Variants in ADAMTS2 observed in about 807,000 individuals in gnomAD.
ADAMTS2 encodes ADAM metallopeptidase with thrombospondin type 1 motif 2.
Under a neutral mutation model 123.0 loss-of-function variants are expected in ADAMTS2, and 50 were observed. The observed-to-expected ratio is 0.41, with a 90% CI of 0.32 to 0.51. ADAMTS2 has a LOEUF of 0.51. Among genes scored for constraint, ADAMTS2 ranks in the 20% least tolerant of loss-of-function variants. ADAMTS2 has a pLI of 0.35. For missense variants in ADAMTS2, 1,494 were observed against 1,705.2 expected (o/e 0.88, Z 2.18); for synonymous variants, 678 against 695.4 (o/e 0.98, Z 0.39).
At chr5:179,313,271 C>T (rs1051342765) in intron 2 of ADAMTS2, among the ~76,000 whole-genome samples, 2 of 73,762 alleles carry the variant, frequency 2.7e-5, no homozygotes, top group Non-Finnish European at 5.6e-5. Context: ...GCAGAGGGGA[C>T]GCACACGCAT....
intron 3 of ADAMTS2, among the ~76,000 whole-genome samples, chr5:179,229,200 C>T (rs771293342): frequency 3.3e-5 from 5 of 152,182 alleles, no homozygotes; most frequent in Admixed American, 1.3e-4. Flanking sequence ...GGAGGGGACG[C>T]CAGAGAATCT....
At chr5:179,258,171 G>A (rs1178673649) in intron 3 of ADAMTS2, among the ~76,000 whole-genome samples, 5 of 152,264 alleles carry the variant, frequency 3.3e-5, no homozygotes, top group South Asian at 2.1e-4. Context: ...CTCTGCACAC[G>A]CTGGGGCTGG....
At chr5:179,206,755 C>T (rs569067556) in intron 4 of ADAMTS2, among the ~76,000 whole-genome samples, 25 of 152,350 alleles carry the variant, frequency 1.6e-4, no homozygotes, top group African/African-American at 5.5e-4. Context: ...GAAAGGTCTG[C>T]ACAGCCTCCA....
At position 179,162,547 on chromosome 5, in the gene ADAMTS2, A is replaced by G. The variant is rs1184638335; in HGVS notation, c.976-3668T>C. Among the ~76,000 whole-genome samples, 1 of 152,116 alleles carries G rather than the reference A, an allele frequency of 6.6e-6. No individual in the cohort carries two copies. The highest frequency in any genetic ancestry group is 1.9e-4 in the East Asian group (1 of 5,158). ...GCGGGCCCCAGCTGAGCTGTTGCAC[A>G]CCATACCGTATGGGCCCCTCCTGGG... On this transcript the variant is annotated intron_variant, in intron 5 of 21. Coordinates refer to ENST00000251582, the MANE Select transcript of ADAMTS2 (RefSeq NM_014244.5). This position sits in a 1 kb window ranked among gnomAD's most constrained non-coding sequence, Gnocchi z 5.1.
chr5:179,286,873 G>A lies in ADAMTS2; in HGVS notation c.535-13809C>T, dbSNP rs568969877. 3.3e-5 allele frequency among the ~76,000 whole-genome samples: 5 copies of A among 152,258 alleles called. No individual in the cohort carries two copies. The East Asian group carries it at 7.7e-4, about 24-fold the overall frequency. ...ATCTTTCCCCTGTCCTCACATGGCC[G>A]TCCCCCTGTGTGTACTTCTGTCCTA... On this transcript the variant is annotated intron_variant, in intron 2 of 21. Transcript: ENST00000251582.
At chr5:179,179,769 T>G (rs75413655) in intron 5 of ADAMTS2, among the ~76,000 whole-genome samples, 2,076 of 152,248 alleles carry the variant, frequency 0.014, 53 homozygotes, top group African/African-American at 0.045. Flanking sequence ...ATCTACTTAG[T>G]ATTCCTGGGA....
At chr5:179,178,057 C>A (rs1214301007) in intron 5 of ADAMTS2, among the ~76,000 whole-genome samples, 1 of 152,236 alleles carries the variant, frequency 6.6e-6, no homozygotes, top group Non-Finnish European at 1.5e-5. Flanking sequence ...TTTCTAGCCC[C>A]AGGACCAGGA....
At chr5:179,157,252 T>G (rs1028379460) in intron 6 of ADAMTS2, among the ~76,000 whole-genome samples, 1 of 152,120 alleles carries the variant, frequency 6.6e-6, no homozygotes, top group African/African-American at 2.4e-5. Context: ...ACCCAGCCAA[T>G]TTCACATTTT....
At chr5:179,329,102 C>CATGT (rs1561754038) in intron 2 of ADAMTS2, among the ~76,000 whole-genome samples, 1 of 151,966 alleles carries the variant, frequency 6.6e-6, no homozygotes, top group Non-Finnish European at 1.5e-5. Context: ...CCAAGGAGGG[C>CATGT]GGATCACGAG....
Position 179,181,031 on chromosome 5 carries a change from G to A in ADAMTS2, c.975+41C>T, listed in dbSNP as rs373906183. On this transcript the variant is annotated intron_variant, in intron 5 of 21. Transcript: ENST00000251582. This position sits in a 1 kb window ranked among gnomAD's most constrained non-coding sequence, Gnocchi z 4.1. Reference sequence around the variant, plus strand: ...GCCTCACTCCCAGGCCCCTCACTCCGAGGGGGTGGAGGCAGGCCCGGCTGG... The same window carrying A: ...GCCTCACTCCCAGGCCCCTCACTCCAAGGGGGTGGAGGCAGGCCCGGCTGG... The A allele has an allele frequency of 2.8e-5, 42 of 1,522,672 alleles. No homozygotes were observed. The highest frequency in any genetic ancestry group is 3.5e-5 in the Non-Finnish European group (38 of 1,097,882). The allele number at this position is 1,522,672 out of a possible 1,614,324, so 94.3% of individuals were successfully genotyped here.
In ADAMTS2 at chr5:179,345,200, G is replaced by A. The variant is rs758316365; in HGVS notation, c.129C>T (p.Ala43=). The A allele has an allele frequency of 8.1e-6, 9 of 1,108,974 alleles. No homozygotes were observed. In the South Asian group the frequency reaches 3.8e-4, roughly 47 times the overall value. The allele number at this position is 1,108,974 out of a possible 1,614,324, so 68.7% of individuals were successfully genotyped here. A position where few individuals can be genotyped will look rare whatever the true frequency, so the allele number is the denominator to read the frequency against. ...PPANARLAAA[A]DPPGGPLGHG... is the part of the protein sequence containing the mutation. ...CCGGGCCGCACCTACCTGGGGGGTCGGCGGCGGCGGCGAGCCTGGCGTTCG... is the reference window on the plus strand; with the variant it reads ...CCGGGCCGCACCTACCTGGGGGGTCAGCGGCGGCGGCGAGCCTGGCGTTCG... Residue 43 remains alanine, a synonymous_variant, in exon 1 of 22, where the codon GCC becomes GCT. Transcript: ENST00000251582. The surrounding 1 kb of genome is among the most constrained non-coding windows in gnomAD (Gnocchi z 7.5).
intron 2 of ADAMTS2, among the ~76,000 whole-genome samples, chr5:179,316,396 G>A (rs75880463): frequency 0.037 from 5,631 of 152,286 alleles, 150 homozygotes; most frequent in South Asian, 0.057. Flanking sequence ...AGAGCAGCAG[G>A]GCCCTCAGGA....
In ADAMTS2 at chr5:179,125,134, T is replaced by C. The variant is rs886060492; in HGVS notation, c.2797A>G (p.Thr933Ala). ...CGCACGGAGCGCACCTGCATGCCTGTCCGCCCACAGGTCTGGCTACATGGC... is the reference window on the plus strand; with the variant it reads ...CGCACGGAGCGCACCTGCATGCCTGCCCGCCCACAGGTCTGGCTACATGGC... Reference protein sequence around the residue: ...WEPCSQTCGRTGMQVRSVRCI... With the variant: ...WEPCSQTCGRAGMQVRSVRCI... Residue 933 changes from threonine to alanine, a missense_variant, in exon 19 of 22, where the codon ACA becomes GCA. By Grantham distance (58) the Thr-to-Ala change is moderately conservative (BLOSUM62 0). This residue lies in a region of ADAMTS2 where 953 missense variants were observed against 1,124.7 expected (regional missense o/e 0.85). Transcript: ENST00000251582. 9 of 1,613,012 alleles carry C rather than the reference T, an allele frequency of 5.6e-6. No homozygotes were observed. The highest frequency in any genetic ancestry group is 7.6e-6 in the Non-Finnish European group (9 of 1,179,918).
At chr5:179,243,400 C>A (rs1765710680) in intron 3 of ADAMTS2, among the ~76,000 whole-genome samples, 1 of 152,202 alleles carries the variant, frequency 6.6e-6, no homozygotes, top group African/African-American at 2.4e-5. Context: ...AAGGGACAGT[C>A]ATAGGGAGCC....
At chr5:179,156,961 C>CT (rs70997667) in intron 6 of ADAMTS2, among the ~76,000 whole-genome samples, 20,842 of 108,584 alleles carry the variant, frequency 0.19, 2,518 homozygotes, top group East Asian at 0.29. Flanking sequence ...TTCATTTTTT[C>CT]TTTTTTTTTT....
intron 4 of ADAMTS2, among the ~76,000 whole-genome samples, chr5:179,195,782 T>C (rs1764415747): frequency 6.6e-6 from 1 of 152,220 alleles, no homozygotes; most frequent in South Asian, 2.1e-4. Context: ...AGGGCCAGGC[T>C]GTAAGGCCAG....
chr5:179,173,212 TTAATAATAA>T lies in ADAMTS2; in HGVS notation c.975+7851_975+7859del, dbSNP rs71589488. ...GGGCAACAGAGCTAGACCCCATCTC[TTAATAATAA>T]TAATAATAATAATAATAATAATAAT... On this transcript the variant is annotated intron_variant, in intron 5 of 21. Coordinates refer to ENST00000251582, the MANE Select transcript of ADAMTS2 (RefSeq NM_014244.5). Among the ~76,000 whole-genome samples, 904 of 145,178 alleles carry T rather than the reference TTAATAATAA, an allele frequency of 6.2e-3. 2 individuals are homozygous for T. Among genetic ancestry groups the T allele is most frequent in the East Asian group, 0.026 (130 of 5,024 alleles).
rs999282156 is a variant in ADAMTS2 at position 179,177,460 on chromosome 5, C to T, written c.975+3612G>A. On this transcript the variant is annotated intron_variant, in intron 5 of 21. Coordinates refer to ENST00000251582, the MANE Select transcript of ADAMTS2 (RefSeq NM_014244.5). ...GTAGATTTCAGAATACATGAGTTTACAGGGTATTGTATTAGTCTTGCCTGA... is the reference window on the plus strand; with the variant it reads ...GTAGATTTCAGAATACATGAGTTTATAGGGTATTGTATTAGTCTTGCCTGA... 2.0e-5 allele frequency among the ~76,000 whole-genome samples: 3 copies of T among 152,156 alleles called. No homozygotes were observed. The South Asian group carries it at 6.2e-4, about 32-fold the overall frequency.
Position 179,122,643 on chromosome 5 carries a change from C to A in ADAMTS2, c.3088+1G>T. The A allele has an allele frequency of 6.4e-7, 1 of 1,550,552 alleles. No homozygotes were observed. The highest frequency in any genetic ancestry group is 8.7e-7 in the Non-Finnish European group (1 of 1,147,256). On this transcript the variant is annotated splice_donor_variant, in intron 20 of 21. Transcript: ENST00000251582. LOFTEE classifies it high-confidence loss of function. ...AGGGGCAGGGGCTGCAGGTGGCTTA[C>A]GGGGACAGGGGCCAAGCCTGCAGGT...
Sources: allele counts gnomAD v4.1 joint callset (sites outside exome capture counted in the v4.1 genomes callset), GRCh38; gene constraint gnomAD v4.1.1; regional missense constraint gnomAD v4.1.1; non-coding constraint Gnocchi (gnomAD v3.1); transcripts MANE v1.5; gene names NCBI Gene and HGNC (gene_info 2026-07-23, HGNC 2026-07-21).